CUX2: variants seen among roughly 807,000 people sequenced by gnomAD.
The protein encoded by CUX2 is cut like homeobox 2, also known as homeobox protein cut-like 2.
In CUX2, 40 loss-of-function variants were observed where a neutral mutation model predicts 144.8. The observed-to-expected ratio is 0.28, with a 90% CI of 0.21 to 0.36. The LOEUF is 0.36. CUX2 is among the 10% of genes least tolerant of loss of function. The probability of loss-of-function intolerance (pLI) is 1.00; values close to 1 mark genes in which losing one functional copy is unlikely to be tolerated. For synonymous variants in CUX2, 827 were observed against 875.6 expected (o/e 0.94, Z 0.98); for missense variants, 1,615 against 1,994.0 (o/e 0.81, Z 3.62).
intron 1 of CUX2, among the ~76,000 whole-genome samples, chr12:111,141,259 C>T (rs1015437380): frequency 6.6e-5 from 10 of 151,280 alleles, no homozygotes; most frequent in African/African-American, 2.4e-4. Context: ...CACACACATT[C>T]TTCTTGGTAG....
At chr12:111,185,109 G>A (rs1339872269) in intron 1 of CUX2, among the ~76,000 whole-genome samples, 5 of 152,190 alleles carry the variant, frequency 3.3e-5, no homozygotes, top group African/African-American at 2.4e-5. Flanking sequence ...TATCCTCTGA[G>A]TAAAACAAAG....
At position 111,330,724 on chromosome 12, in the gene CUX2, T is replaced by TACATATAC. The variant is rs1267309535; in HGVS notation, c.2927-3716_2927-3715insCATATACA. On this transcript the variant is annotated intron_variant, in intron 18 of 21. Coordinates refer to ENST00000261726, the MANE Select transcript of CUX2 (RefSeq NM_015267.4). ...ATATATATATATATATATATATATATATATATATATATATATATATATATA... is the reference window on the plus strand; with the variant it reads ...ATATATATATATATATATATATATATACATATACATATATATATATATATATATATATA... Among the ~76,000 whole-genome samples, 22 of 51,324 alleles carry TACATATAC rather than the reference T, an allele frequency of 4.3e-4. 1 individual carries two copies. The highest frequency in any genetic ancestry group is 6.0e-4 in the Non-Finnish European group (16 of 26,630). The allele number at this position is 51,324 out of a possible 152,430, so 33.7% of individuals were successfully genotyped here.
intron 1 of CUX2, among the ~76,000 whole-genome samples, chr12:111,060,459 A>G (rs913043375): frequency 3.9e-5 from 6 of 152,206 alleles, no homozygotes; most frequent in Admixed American, 3.3e-4. Flanking sequence ...CTCCCCCATA[A>G]TAATGCACAT....
chr12:111,089,748 G>T (rs984133999), intron 1 of CUX2, among the ~76,000 whole-genome samples: 1 of 152,340 alleles, frequency 6.6e-6, no homozygotes, highest in African/African-American at 2.4e-5. Flanking sequence ...AGGCTCAGAG[G>T]TCAGAGAGTG....
chr12:111,046,070 G>C (rs1025024407), intron 1 of CUX2, among the ~76,000 whole-genome samples: 3 of 152,182 alleles, frequency 2.0e-5, no homozygotes, highest in African/African-American at 7.2e-5. Flanking sequence ...ACTCCAGCCA[G>C]GTGCAGGAAC....
At chr12:111,235,276 G>T (rs1455802449) in intron 3 of CUX2, among the ~76,000 whole-genome samples, 1 of 152,142 alleles carries the variant, frequency 6.6e-6, no homozygotes, top group African/African-American at 2.4e-5. Flanking sequence ...AGTTAAGTCT[G>T]CAGTTTGTCT....
At chr12:111,114,216 G>A in intron 1 of CUX2, among the ~76,000 whole-genome samples, 1 of 151,954 alleles carries the variant, frequency 6.6e-6, no homozygotes, top group East Asian at 1.9e-4. Flanking sequence ...ACATATGAGA[G>A]TTTCAGTTGC....
At chr12:111,127,470 G>A (rs1051858228) in intron 1 of CUX2, among the ~76,000 whole-genome samples, 5 of 152,178 alleles carry the variant, frequency 3.3e-5, no homozygotes, top group African/African-American at 9.7e-5. Flanking sequence ...TGATAGGGTC[G>A]TCACATCAGC....
chr12:111,182,575 G>A (rs1566278557), intron 1 of CUX2, among the ~76,000 whole-genome samples: 1 of 152,246 alleles, frequency 6.6e-6, no homozygotes, highest in Non-Finnish European at 1.5e-5. Flanking sequence ...AGGCGGCTCA[G>A]GTGACAATGC....
intron 1 of CUX2, among the ~76,000 whole-genome samples, chr12:111,195,628 C>A (rs1880191139): frequency 6.6e-6 from 1 of 152,214 alleles, no homozygotes; most frequent in South Asian, 2.1e-4. Flanking sequence ...TGGGGAAGCG[C>A]CTTCCCTGAG....
chr12:111,228,512 C>A (rs1478596653), intron 3 of CUX2, among the ~76,000 whole-genome samples: 2 of 152,170 alleles, frequency 1.3e-5, no homozygotes, highest in African/African-American at 4.8e-5. Context: ...CAACCTCCAC[C>A]TCCCAGGTTA....
Position 111,312,987 on chromosome 12 carries a change from C to T in CUX2, c.2002+786C>T, listed in dbSNP as rs1202496647. The stretch of plus-strand genomic sequence containing the variant: ...GACCTGTTTGCTTGGTGTAGTGGAG[C>T]TGGACTGGCCACAAATTCTGGCTCT... On this transcript the variant is annotated intron_variant, in intron 16 of 21. Transcript: ENST00000261726. This position sits in a 1 kb window ranked among gnomAD's most constrained non-coding sequence, Gnocchi z 4.3. Among the ~76,000 whole-genome samples, 2 of 152,198 alleles carry T rather than the reference C, an allele frequency of 1.3e-5. No homozygotes were observed. The highest frequency in any genetic ancestry group is 3.9e-4 in the East Asian group (2 of 5,182).
At position 111,069,168 on chromosome 12, in the gene CUX2, C is replaced by G. The variant is rs114035146; in HGVS notation, c.63+34928C>G. ...TGGGTCTGGGTTCAAATCTCTGAGC[C>G]TCAGTTTTCCTATCTGAAGAATGGG... On this transcript the variant is annotated intron_variant, in intron 1 of 21. Transcript: ENST00000261726. Among the ~76,000 whole-genome samples, 688 of 152,194 alleles carry G rather than the reference C, an allele frequency of 4.5e-3. 6 individuals carry two copies. The highest frequency in any genetic ancestry group is 0.016 in the African/African-American group (650 of 41,546).
At chr12:111,115,184 T>A (rs1874211262) in intron 1 of CUX2, among the ~76,000 whole-genome samples, 1 of 152,176 alleles carries the variant, frequency 6.6e-6, no homozygotes, top group Non-Finnish European at 1.5e-5. Flanking sequence ...TAGAATTGGC[T>A]TTTCAATTTC....
At position 111,034,749 on chromosome 12, in the gene CUX2, G is replaced by A. The variant is rs1225918955; in HGVS notation, c.63+509G>A. 6.6e-6 allele frequency among the ~76,000 whole-genome samples: 1 copy of A among 150,862 alleles called. No homozygotes were observed. The highest frequency in any genetic ancestry group is 2.4e-5 in the African/African-American group (1 of 41,328). On this transcript the variant is annotated intron_variant, in intron 1 of 21. Transcript: ENST00000261726. The surrounding 1 kb of genome is among the most constrained non-coding windows in gnomAD (Gnocchi z 4.2). ...AGGAGAGGAGGAGGAGGAGGAGAGA[G>A]GAGGAGGGAGCCGGGGTTGGCGAGG...
intron 1 of CUX2, among the ~76,000 whole-genome samples, chr12:111,141,099 T>C (rs1017305316): frequency 5.3e-5 from 8 of 152,188 alleles, no homozygotes; most frequent in African/African-American, 1.9e-4. Context: ...TCTGAGGGAC[T>C]GGAAAGCATT....
rs1222680813 is a variant in CUX2 at position 111,263,345 on chromosome 12, C to G, written c.223-416C>G. ...ACATGGCCAGCCATGGTGGCTCATG[C>G]CTGTAATCCCAGAACTTTGGGAGGC... On this transcript the variant is annotated intron_variant, in intron 3 of 21. Transcript: ENST00000261726. The surrounding 1 kb of genome is among the most constrained non-coding windows in gnomAD (Gnocchi z 4.0). 6.6e-6 allele frequency among the ~76,000 whole-genome samples: 1 copy of G among 152,194 alleles called. No homozygotes were observed. Among genetic ancestry groups the G allele is most frequent in the African/African-American group, 2.4e-5 (1 of 41,442 alleles).
chr12:111,197,129 G>T (rs1490812429), intron 1 of CUX2, among the ~76,000 whole-genome samples: 2 of 152,138 alleles, frequency 1.3e-5, no homozygotes, highest in Non-Finnish European at 2.9e-5. Flanking sequence ...GAGACCTGGG[G>T]CAACTGACCT....
In CUX2 at chr12:111,304,005, C is replaced by A; in HGVS notation, c.754-205C>A. ...CCTGTCCTCTCAGCTCAGGAGTAAC[C>A]CCAGAGGCTGCTATTTCTTGTCCCC... On this transcript the variant is annotated intron_variant, in intron 9 of 21. Transcript: ENST00000261726. The surrounding 1 kb of genome is among the most constrained non-coding windows in gnomAD (Gnocchi z 4.7). 1 of 544,898 alleles carries A rather than the reference C, an allele frequency of 1.8e-6. No homozygotes were observed. Among genetic ancestry groups the A allele is most frequent in the South Asian group, 2.3e-5 (1 of 43,560 alleles). 33.8% of individuals were successfully genotyped at this position (544,898 alleles called of 1,614,324 possible).
Sources: gnomAD v4.1 joint callset for allele counts (sites outside exome capture counted in the v4.1 genomes callset) on GRCh38, gnomAD v4.1.1 for gene constraint, Gnocchi (gnomAD v3.1) non-coding constraint, MANE v1.5 for transcripts, NCBI Gene and HGNC (gene_info 2026-07-23, HGNC 2026-07-21) for gene names.